Variants in RABGEF1 observed in about 807,000 individuals in gnomAD.
RABGEF1 encodes the protein rab5 GDP/GTP exchange factor.
RABGEF1 carries 26 observed loss-of-function variants against 57.3 expected under a neutral mutation model. The ratio of observed to expected loss-of-function variants is 0.45; its 90% confidence interval spans 0.33 to 0.63. The LOEUF (loss-of-function observed/expected upper bound fraction) is 0.63, where lower values mean the gene tolerates loss of function less well. Ranked by LOEUF, RABGEF1 falls within the 20% of genes least tolerant of loss-of-function variation. RABGEF1 has a pLI of 0.02. For missense variants in RABGEF1, 464 were observed against 607.6 expected (o/e 0.76, Z 2.48); for synonymous variants, 185 against 210.7 (o/e 0.88, Z 1.06).
At chr7:66,775,763 A>T (rs1808372914) in intron 3 of RABGEF1, among the ~76,000 whole-genome samples, 1 of 152,248 alleles carries the variant, frequency 6.6e-6, no homozygotes. Context: ...CTTGTCAGAA[A>T]TGGTGATTTC....
chr7:66,724,701 A>G (rs1264003102), intron 2 of RABGEF1, among the ~76,000 whole-genome samples: 4 of 152,168 alleles, frequency 2.6e-5, no homozygotes, highest in African/African-American at 9.7e-5. Flanking sequence ...AGTTTCTTGG[A>G]TCTTTGGGTT....
At position 66,730,770 on chromosome 7, in the gene RABGEF1, CT is replaced by C. The variant is rs1797226284; in HGVS notation, c.-814-9225del. On this transcript the variant is annotated intron_variant and NMD_transcript_variant, in intron 2 of 9. Transcript: ENST00000607882. ...ATGGGATTTCACCATGTTGGCCAGG[CT>C]GGCCTCGAACTCCTGACCTCAAGTG... is the stretch of plus-strand genomic sequence containing the variant. 2.6e-5 allele frequency among the ~76,000 whole-genome samples: 4 copies of C among 152,152 alleles called. 1 individual carries two copies. Among genetic ancestry groups the C allele is most frequent in the African/African-American group, 9.7e-5 (4 of 41,438 alleles).
rs555373818 is a variant in RABGEF1 at position 66,809,365 on chromosome 7, G to A, written c.*81G>A. 7.0e-7 allele frequency: 1 copy of A among 1,422,716 alleles called. No homozygotes were observed. The highest frequency in any genetic ancestry group is 1.4e-5 in the South Asian group (1 of 70,276). The allele number at this position is 1,422,716 out of a possible 1,614,324, so 88.1% of individuals were successfully genotyped here. On this transcript the variant is annotated 3_prime_UTR_variant, in exon 9 of 9. Coordinates refer to ENST00000284957, the MANE Select transcript of RABGEF1 (RefSeq NM_014504.3). ...CACTCAACTGATTGGGATCTAGAAT[G>A]TAACTAAATTGCTTATAAATGTCAG...
chr7:66,691,250 C>T (rs564409057), intron 1 of RABGEF1, among the ~76,000 whole-genome samples: 1 of 152,256 alleles, frequency 6.6e-6, no homozygotes, highest in Admixed American at 6.5e-5. Context: ...CCATACCGTA[C>T]ATAATTCTAT....
chr7:66,706,446 C>T (rs184593995), intron 1 of RABGEF1, among the ~76,000 whole-genome samples: 19 of 152,080 alleles, frequency 1.2e-4, no homozygotes, highest in East Asian at 5.8e-4. Context: ...AGTCTCGCTC[C>T]GTCCCCAGGC....
intron 2 of RABGEF1, among the ~76,000 whole-genome samples, chr7:66,727,758 C>A (rs749612088): frequency 1.6e-4 from 25 of 152,290 alleles, no homozygotes; most frequent in African/African-American, 5.8e-4. Context: ...GCAGGCTGCC[C>A]GTGGATAATG....
chr7:66,742,663 G>C (rs1360472899), intron 1 of RABGEF1, among the ~76,000 whole-genome samples: 1 of 152,202 alleles, frequency 6.6e-6, no homozygotes, highest in African/African-American at 2.4e-5. Context: ...CTGGAGTACA[G>C]TGACACGATC....
chr7:66,796,636 A>C, intron 5 of RABGEF1: 1 of 227,514 alleles, frequency 4.4e-6, no homozygotes, highest in South Asian at 4.4e-5. Flanking sequence ...TCTGTCGTCC[A>C]AGCTGGAGTA....
chr7:66,750,333 C>T (rs1801129672), intron 1 of RABGEF1, among the ~76,000 whole-genome samples: 1 of 152,190 alleles, frequency 6.6e-6, no homozygotes, highest in Admixed American at 6.5e-5. Flanking sequence ...TAAGGTGTTA[C>T]TTGCCCCAGG....
At chr7:66,788,562 A>G (rs1461734426) in intron 4 of RABGEF1, among the ~76,000 whole-genome samples, 1 of 152,166 alleles carries the variant, frequency 6.6e-6, no homozygotes, top group African/African-American at 2.4e-5. Flanking sequence ...ATGGCAATCA[A>G]TTCAGTTTCT....
intron 4 of RABGEF1, among the ~76,000 whole-genome samples, chr7:66,784,412 A>G (rs571324651): frequency 2.0e-5 from 3 of 152,366 alleles, no homozygotes; most frequent in South Asian, 4.1e-4. Context: ...GCCAATGTCA[A>G]CCAGAACTTG....
upstream of RABGEF1, among the ~76,000 whole-genome samples, chr7:66,738,939 C>G (rs1260144483): frequency 6.6e-6 from 1 of 151,898 alleles, no homozygotes; most frequent in Non-Finnish European, 1.5e-5. Context: ...AGCACAGGTA[C>G]TTTGTGTTTT....
the RABGEF1 span, among the ~76,000 whole-genome samples, chr7:66,655,715 A>T: frequency 1.3e-5 from 2 of 152,188 alleles, no homozygotes; most frequent in African/African-American, 4.8e-5. Context: ...GTACCAAGAA[A>T]CTTGCCAGAG....
At chr7:66,657,458 A>G in the RABGEF1 span, among the ~76,000 whole-genome samples, 7 of 152,258 alleles carry the variant, frequency 4.6e-5, no homozygotes, top group African/African-American at 1.7e-4. Context: ...AAAACACAAC[A>G]TACCAGAACT....
chr7:66,757,336 A>T (rs1215333722), intron 1 of RABGEF1, among the ~76,000 whole-genome samples: 1 of 152,176 alleles, frequency 6.6e-6, no homozygotes, highest in Non-Finnish European at 1.5e-5. Flanking sequence ...AGCTTATTTC[A>T]CATAAATGTG....
chr7:66,797,769 T>C (rs1292990072), intron 6 of RABGEF1, among the ~76,000 whole-genome samples: 2 of 152,180 alleles, frequency 1.3e-5, no homozygotes, highest in African/African-American at 2.4e-5. Context: ...CTCCAAGGAA[T>C]AGGGGGACTG....
intron 1 of RABGEF1, among the ~76,000 whole-genome samples, chr7:66,763,672 C>T (rs1310120549): frequency 6.6e-6 from 1 of 152,142 alleles, no homozygotes; most frequent in Non-Finnish European, 1.5e-5. Flanking sequence ...GCTCAGTGAC[C>T]ACTACTCTAT....
chr7:66,668,500 CA>C, the RABGEF1 span, among the ~76,000 whole-genome samples: 1 of 152,138 alleles, frequency 6.6e-6, no homozygotes, highest in African/African-American at 2.4e-5. Flanking sequence ...GGGGTGTCCC[CA>C]GATGGTTGTG....
chr7:66,659,382 G>A, the RABGEF1 span, among the ~76,000 whole-genome samples: 53 of 151,920 alleles, frequency 3.5e-4, no homozygotes, highest in South Asian at 0.011. Flanking sequence ...AACACGGGAG[G>A]CGGAGGTGGC....
Sources: gnomAD v4.1 joint callset for allele counts (sites outside exome capture counted in the v4.1 genomes callset) on GRCh38, gnomAD v4.1.1 for gene constraint, MANE v1.5 for transcripts, NCBI Gene and HGNC (gene_info 2026-07-23, HGNC 2026-07-21) for gene names.